The following NGF variants were observed in gnomAD, a reference collection of about 807,000 sequenced individuals.
NGF encodes beta-nerve growth factor.
In NGF, 4 loss-of-function variants were observed where a neutral mutation model predicts 12.8. The ratio of observed to expected loss-of-function variants is 0.31; its 90% CI spans 0.15 to 0.72. The LOEUF (loss-of-function observed/expected upper bound fraction) is 0.72, where lower values mean the gene tolerates loss of function less well. Ranked by LOEUF, NGF falls within the 30% of genes least tolerant of loss-of-function variation. NGF has a pLI of 0.69. For missense variants in NGF, 283 were observed against 330.8 expected (o/e 0.86, Z 1.12); for synonymous variants, 140 against 130.0 (o/e 1.08, Z -0.52).
chr1:115,333,669 C>T (rs1557949113), intron 1 of NGF, among the ~76,000 whole-genome samples: 1 of 55,242 alleles, frequency 1.8e-5, no homozygotes, highest in African/African-American at 2.2e-4. Context: ...TTCTTTCTTT[C>T]TTTCTTTCTT....
intron 1 of NGF, among the ~76,000 whole-genome samples, chr1:115,323,401 G>T (rs1654681890): frequency 6.6e-6 from 1 of 152,156 alleles, no homozygotes; most frequent in African/African-American, 2.4e-5. Flanking sequence ...GATGGGTTTT[G>T]TGAATGAAAA....
chr1:115,294,890 A>G (rs1653814444), intron 1 of NGF, among the ~76,000 whole-genome samples: 1 of 152,212 alleles, frequency 6.6e-6, no homozygotes, highest in Non-Finnish European at 1.5e-5. Flanking sequence ...TCCTCAGGAT[A>G]TTAGGAAGGC....
chr1:115,309,939 GA>G (rs1273186359), intron 1 of NGF, among the ~76,000 whole-genome samples: 10 of 152,148 alleles, frequency 6.6e-5, no homozygotes. Context: ...TCCTGAGAAG[GA>G]AAAAGCTATG....
At chr1:115,292,271 A>G (rs1653726049) in intron 2 of NGF, among the ~76,000 whole-genome samples, 3 of 152,166 alleles carry the variant, frequency 2.0e-5, no homozygotes, top group Admixed American at 1.3e-4. Flanking sequence ...AGCTTCTGTT[A>G]GGACAGGATT....
intron 1 of NGF, among the ~76,000 whole-genome samples, chr1:115,305,955 G>A (rs1654191494): frequency 2.0e-5 from 3 of 152,142 alleles, no homozygotes. Flanking sequence ...GCCAGAGGCC[G>A]ATGGAGCCAA....
At chr1:115,294,374 T>G (rs1278887373) in intron 1 of NGF, among the ~76,000 whole-genome samples, 1 of 152,258 alleles carries the variant, frequency 6.6e-6, no homozygotes, top group Non-Finnish European at 1.5e-5. Context: ...GGCTGTAGTT[T>G]CTAGAAACAA....
intron 1 of NGF, among the ~76,000 whole-genome samples, chr1:115,329,914 C>T (rs993561252): frequency 1.3e-5 from 2 of 151,804 alleles, no homozygotes; most frequent in African/African-American, 4.8e-5. Context: ...CCATGCCTGG[C>T]TAATTTTTTT....
At position 115,286,282 on chromosome 1, in the gene NGF, G is replaced by C. The variant is rs746593757; in HGVS notation, c.514C>G (p.Gln172Glu). 6.2e-7 allele frequency: 1 copy of C among 1,614,182 alleles called. No individual in the cohort carries two copies. The highest frequency in any genetic ancestry group is 1.7e-5 in the Admixed American group (1 of 60,032). Residue 172 changes from glutamine to glutamate, a missense_variant, in exon 3 of 3, where the codon CAG (glutamine) becomes GAG (glutamate). Transcript: ENST00000369512. ...EVNINNSVFK[Q>E]YFFETKCRDP... is the part of the protein sequence containing the mutation. ...CGGCACTTGGTCTCAAAAAAGTACT[G>C]TTTGAATACACTGTTGTTAATGTTC...
chr1:115,321,426 G>C (rs971897361), intron 1 of NGF, among the ~76,000 whole-genome samples: 2 of 151,784 alleles, frequency 1.3e-5, no homozygotes, highest in African/African-American at 4.8e-5. Flanking sequence ...TTCTTTTTTT[G>C]CATTTATTAT....
chr1:115,312,249 C>T (rs768384298), intron 1 of NGF, among the ~76,000 whole-genome samples: 6 of 151,912 alleles, frequency 3.9e-5, no homozygotes, highest in Non-Finnish European at 7.4e-5. Context: ...CAAGATTGTA[C>T]CAATATTTGA....
rs1553239156 is a variant in NGF at position 115,333,794 on chromosome 1, C to CTTTCTTTCTTTCTCTCTCTT, written c.-137+4409_-137+4410insAAGAGAGAGAAAGAAAGAAA. Reference sequence around the variant, plus strand: ...CTTTCTTCATTCCTTCCTTTCTTTTCTTTCTTTCTTTCTCTTTTTCTTTCT... The same window carrying CTTTCTTTCTTTCTCTCTCTT: ...CTTTCTTCATTCCTTCCTTTCTTTTCTTTCTTTCTTTCTCTCTCTTTTTCTTTCTTTCTCTTTTTCTTTCT... On this transcript the variant is annotated intron_variant, in intron 1 of 2. Transcript: ENST00000369512. Among the ~76,000 whole-genome samples the CTTTCTTTCTTTCTCTCTCTT allele has an allele frequency of 3.8e-5, 4 of 105,088 alleles. No individual in the cohort carries two copies. In the East Asian group the frequency reaches 1.3e-3, roughly 33 times the overall value. The allele number at this position is 105,088 out of a possible 152,430, so 68.9% of individuals were successfully genotyped here.
At chr1:115,297,297 G>A (rs970361672) in intron 1 of NGF, among the ~76,000 whole-genome samples, 2 of 152,194 alleles carry the variant, frequency 1.3e-5, no homozygotes, top group Non-Finnish European at 2.9e-5. Context: ...CTCATGGGGT[G>A]AAGTATCCAG....
intron 1 of NGF, among the ~76,000 whole-genome samples, chr1:115,301,155 G>A (rs1181766308): frequency 6.6e-6 from 1 of 152,118 alleles, no homozygotes; most frequent in Non-Finnish European, 1.5e-5. Context: ...TAAAAAGTCT[G>A]CATTGGGGAA....
intron 1 of NGF, among the ~76,000 whole-genome samples, chr1:115,327,224 C>T (rs576129395): frequency 1.8e-4 from 28 of 152,274 alleles, no homozygotes; most frequent in Middle Eastern, 3.4e-3. Flanking sequence ...ACATTTTGTG[C>T]ACCATGTCAA....
At chr1:115,302,589 C>A (rs1342079073) in intron 1 of NGF, among the ~76,000 whole-genome samples, 1 of 152,224 alleles carries the variant, frequency 6.6e-6, no homozygotes, top group Non-Finnish European at 1.5e-5. Flanking sequence ...CATTTGTTAG[C>A]ATTTCACTTC....
chr1:115,323,887 T>A (rs1654696465), intron 1 of NGF, among the ~76,000 whole-genome samples: 1 of 152,158 alleles, frequency 6.6e-6, no homozygotes, highest in African/African-American at 2.4e-5. Context: ...ATACCCTTTC[T>A]CTTGGAAACA....
intron 1 of NGF, among the ~76,000 whole-genome samples, chr1:115,329,608 A>C (rs1169143801): frequency 6.6e-6 from 1 of 152,180 alleles, no homozygotes; most frequent in East Asian, 1.9e-4. Flanking sequence ...AGTTTCATAA[A>C]AATTTTCCCT....
chr1:115,316,863 G>C lies in NGF; in HGVS notation c.-137+21341C>G, dbSNP rs116778406. Among the ~76,000 whole-genome samples, 650 of 152,244 alleles carry C rather than the reference G, an allele frequency of 4.3e-3. 4 individuals carry two copies. Among genetic ancestry groups the C allele is most frequent in the African/African-American group, 0.012 (495 of 41,554 alleles). ...GTTTCTGACAAGTTGAATACTATTT[G>C]GGAATTGGGTGTAATTTTCTCAAAG... On this transcript the variant is annotated intron_variant, in intron 1 of 2. Coordinates refer to ENST00000369512, the MANE Select transcript of NGF (RefSeq NM_002506.3).
rs551469774 is a variant in NGF, at chr1:115,311,132, G to T, written c.-136-17382C>A. On this transcript the variant is annotated intron_variant, in intron 1 of 2. Coordinates refer to ENST00000369512, the MANE Select transcript of NGF (RefSeq NM_002506.3). ...TTTATCTAGTTCCAAAGCACAAAAAGCATTGATTTTCATTCTCTGGGAACA... is the reference window on the plus strand; with the variant it reads ...TTTATCTAGTTCCAAAGCACAAAAATCATTGATTTTCATTCTCTGGGAACA... Among the ~76,000 whole-genome samples the T allele has an allele frequency of 2.0e-5, 3 of 152,288 alleles. No homozygotes were observed. In the East Asian group the frequency reaches 5.8e-4, roughly 29 times the overall value.
Sources: allele counts gnomAD v4.1 joint callset (sites outside exome capture counted in the v4.1 genomes callset), GRCh38; gene constraint gnomAD v4.1.1; transcripts MANE v1.5; gene names NCBI Gene and HGNC (gene_info 2026-07-23, HGNC 2026-07-21).